SMYD3: variants seen among roughly 807,000 people sequenced by gnomAD.
The protein encoded by SMYD3 is histone-lysine N-methyltransferase SMYD3.
Under a neutral mutation model 57.7 loss-of-function variants are expected in SMYD3, and 36 were observed. The ratio of observed to expected loss-of-function variants is 0.62; its 90% CI spans 0.48 to 0.82. The LOEUF is 0.82. Ranked by LOEUF, SMYD3 falls within the 40% of genes least tolerant of loss-of-function variation. The pLI is 0.00. For missense variants in SMYD3, 515 were observed against 538.8 expected, an observed-to-expected ratio of 0.96 and a Z score of 0.44; for synonymous variants, 211 against 195.0, an observed-to-expected ratio of 1.08 and a Z score of -0.68.
At chr1:246,428,716 A>ATACTCTTAAC in intron 1 of SMYD3, among the ~76,000 whole-genome samples, 1 of 152,192 alleles carries the variant, frequency 6.6e-6, no homozygotes, top group African/African-American at 2.4e-5. Context: ...ACCACAGCCC[A>ATACTCTTAAC]TGCTCTTAAC....
At chr1:246,234,881 T>C (rs140116423) in intron 5 of SMYD3, among the ~76,000 whole-genome samples, 186 of 152,254 alleles carry the variant, frequency 1.2e-3, no homozygotes, top group African/African-American at 4.1e-3. Context: ...AAAAGCAACA[T>C]AGAGAGACTA....
chr1:245,973,466 C>T (rs115147998), intron 5 of SMYD3, among the ~76,000 whole-genome samples: 1,942 of 152,198 alleles, frequency 0.013, 45 homozygotes, highest in African/African-American at 0.044. Context: ...CAGATAATAG[C>T]CTCACCCTCA....
intron 1 of SMYD3, among the ~76,000 whole-genome samples, chr1:246,427,783 G>A (rs2067243045): frequency 6.6e-6 from 1 of 152,152 alleles, no homozygotes; most frequent in Non-Finnish European, 1.5e-5. Flanking sequence ...GAGCCCAGGA[G>A]GTTGAGGCTG....
At chr1:246,253,602 T>C (rs931191108) in intron 5 of SMYD3, among the ~76,000 whole-genome samples, 10 of 152,220 alleles carry the variant, frequency 6.6e-5, no homozygotes, top group Non-Finnish European at 1.5e-4. Context: ...GCATGGAATG[T>C]CTTTCTACTT....
chr1:246,127,395 G>A (rs1173080723), intron 5 of SMYD3, among the ~76,000 whole-genome samples: 1 of 152,158 alleles, frequency 6.6e-6, no homozygotes. Flanking sequence ...GCATTTTAGT[G>A]TGATGATACT....
At chr1:246,257,762 A>G (rs2063923586) in intron 5 of SMYD3, among the ~76,000 whole-genome samples, 1 of 152,148 alleles carries the variant, frequency 6.6e-6, no homozygotes, top group East Asian at 1.9e-4. Flanking sequence ...CTGTTTCCAT[A>G]TTTAGAACTT....
intron 10 of SMYD3, among the ~76,000 whole-genome samples, chr1:245,843,369 G>A (rs1274022108): frequency 6.6e-6 from 1 of 152,072 alleles, no homozygotes; most frequent in Non-Finnish European, 1.5e-5. Context: ...AGCTGCTTTG[G>A]GGATGTGGAT....
At chr1:245,891,920 C>G (rs1311402624) in intron 8 of SMYD3, among the ~76,000 whole-genome samples, 3 of 152,138 alleles carry the variant, frequency 2.0e-5, no homozygotes, top group Non-Finnish European at 4.4e-5. Context: ...GTGGCACACG[C>G]CTGTAGCCCC....
intron 8 of SMYD3, among the ~76,000 whole-genome samples, chr1:245,903,819 C>T (rs989927845): frequency 1.3e-5 from 2 of 152,176 alleles, no homozygotes; most frequent in African/African-American, 4.8e-5. Flanking sequence ...CCCCAAGTCC[C>T]GAGGCTGCAC....
chr1:246,116,435 C>T (rs1166885132), intron 5 of SMYD3, among the ~76,000 whole-genome samples: 2 of 152,178 alleles, frequency 1.3e-5, no homozygotes, highest in Non-Finnish European at 2.9e-5. Flanking sequence ...TGGAACAGAA[C>T]TGCAGCTGTA....
intron 10 of SMYD3, among the ~76,000 whole-genome samples, chr1:245,772,143 C>T (rs1365066254): frequency 1.3e-5 from 2 of 152,168 alleles, no homozygotes; most frequent in African/African-American, 4.8e-5. Context: ...CTGATATGTA[C>T]TATTGGCCTC....
chr1:245,806,374 C>T lies in SMYD3; in HGVS notation c.1077-42225G>A, dbSNP rs972923376. 2.0e-5 allele frequency among the ~76,000 whole-genome samples: 3 copies of T among 152,144 alleles called. No individual in the cohort carries two copies. The East Asian group carries it at 5.8e-4, about 29-fold the overall frequency. On this transcript the variant is annotated intron_variant, in intron 10 of 11. Transcript: ENST00000490107. ...TTGTCTTACTTAATCCTTATCACAACGCTGTGAGGTAGGTACTGTAAATAA... is the reference window on the plus strand; with the variant it reads ...TTGTCTTACTTAATCCTTATCACAATGCTGTGAGGTAGGTACTGTAAATAA...
chr1:246,381,625 C>A (rs1157244574), intron 1 of SMYD3, among the ~76,000 whole-genome samples: 2 of 152,204 alleles, frequency 1.3e-5, no homozygotes, highest in African/African-American at 4.8e-5. Context: ...TCCAGTACCT[C>A]TTTATATCGC....
At chr1:246,239,068 C>A (rs1046074317) in intron 5 of SMYD3, among the ~76,000 whole-genome samples, 3 of 152,066 alleles carry the variant, frequency 2.0e-5, no homozygotes, top group Admixed American at 6.6e-5. Flanking sequence ...TCCAGCAGGA[C>A]AGTGTGTACT....
At chr1:246,288,024 C>A (rs2064606162) in intron 5 of SMYD3, among the ~76,000 whole-genome samples, 1 of 145,198 alleles carries the variant, frequency 6.9e-6, no homozygotes. Context: ...CTCAGGAACT[C>A]AAGCATTGGC....
chr1:245,765,418 T>C (rs1042057244), intron 10 of SMYD3, among the ~76,000 whole-genome samples: 2 of 151,850 alleles, frequency 1.3e-5, no homozygotes, highest in African/African-American at 4.8e-5. Flanking sequence ...TCCTTGAGGC[T>C]GAATCATCCC....
chr1:245,968,156 C>T (rs2058202730), intron 5 of SMYD3, among the ~76,000 whole-genome samples: 1 of 152,040 alleles, frequency 6.6e-6, no homozygotes, highest in Non-Finnish European at 1.5e-5. Flanking sequence ...TCAATCTACA[C>T]ACTGCTGTCA....
intron 4 of SMYD3, 66 bp downstream of exon 4, chr1:246,330,414 T>A: frequency 7.9e-7 from 1 of 1,267,812 alleles, no homozygotes. Flanking sequence ...TAAAAATAAA[T>A]CCATTCACCA....
At chr1:246,228,208 G>T (rs1316028224) in intron 5 of SMYD3, among the ~76,000 whole-genome samples, 1 of 152,048 alleles carries the variant, frequency 6.6e-6, no homozygotes, top group African/African-American at 2.4e-5. Flanking sequence ...GACCTTGAGT[G>T]ATCCACCTGC....
Sources: gnomAD v4.1 joint callset for allele counts (sites outside exome capture counted in the v4.1 genomes callset) on GRCh38, gnomAD v4.1.1 for gene constraint, MANE v1.5 for transcripts, NCBI Gene and HGNC (gene_info 2026-07-23, HGNC 2026-07-21) for gene names.